The following ADSS1 variants were observed in gnomAD, a reference collection of about 807,000 sequenced individuals.
ADSS1 encodes adenylosuccinate synthase 1, also known as adenylosuccinate synthetase isozyme 1.
ADSS1 carries 57 observed loss-of-function variants against 59.1 expected under a neutral mutation model. The observed-to-expected ratio is 0.97, with a 90% CI of 0.78 to 1.20. ADSS1 has a LOEUF of 1.20. ADSS1 is among the 50% of genes most tolerant of loss of function. The probability of loss-of-function intolerance (pLI) is 0.00; values close to 1 mark genes in which losing one functional copy is unlikely to be tolerated. For missense variants in ADSS1, 603 were observed against 610.3 expected, an observed-to-expected ratio of 0.99 and a Z score of 0.13; for synonymous variants, 247 against 249.4, an observed-to-expected ratio of 0.99 and a Z score of 0.09.
intron 2 of ADSS1, among the ~76,000 whole-genome samples, chr14:104,736,871 G>A (rs1486398357): frequency 2.6e-5 from 3 of 113,660 alleles, no homozygotes; most frequent in Non-Finnish European, 5.3e-5. Flanking sequence ...TTATGCCACC[G>A]CACCTAGCTG....
At chr14:104,724,581 T>TCCGGGAGCACCTTTC (rs1890666517) in intron 1 of ADSS1, 119 bp downstream of exon 1, 2 of 1,217,580 alleles carry the variant, frequency 1.6e-6, no homozygotes, top group African/African-American at 3.2e-5. Flanking sequence ...ATGCCTTCCT[T>TCCGGGAGCACCTTTC]CCGGGAGCAC....
rs1367259137 is a variant in ADSS1 at position 104,724,464 on chromosome 14, T to G, written c.192+2T>G. 36 of 1,245,098 alleles carry G rather than the reference T, an allele frequency of 2.9e-5. No individual in the cohort carries two copies. The highest frequency in any genetic ancestry group is 3.5e-5 in the Non-Finnish European group (35 of 991,122). 77.1% of individuals were successfully genotyped at this position (1,245,098 alleles called of 1,614,324 possible). On this transcript the variant is annotated splice_donor_variant, in intron 1 of 12. Transcript: ENST00000330877. LOFTEE classifies it high-confidence loss of function. ...GCCGACATCATCAGCCGCTGCCAGGTGCGGGCTGGGGCGCCGGGTCCCTCC... is the reference window on the plus strand; with the variant it reads ...GCCGACATCATCAGCCGCTGCCAGGGGCGGGCTGGGGCGCCGGGTCCCTCC...
chr14:104,746,901 G>C, intron 12 of ADSS1, 50 bp from the exon 13 acceptor site: 3 of 1,598,486 alleles, frequency 1.9e-6, no homozygotes, highest in Middle Eastern at 1.7e-4. Context: ...AACTTTTTCT[G>C]AACTTTCTGC....
At chr14:104,739,850 G>A (rs967566368) in intron 5 of ADSS1, 34 bp downstream of exon 5, 39 of 1,611,138 alleles carry the variant, frequency 2.4e-5, no homozygotes, top group Non-Finnish European at 3.0e-5. Context: ...CCCTCGGGGA[G>A]TCTTCTGGGC....
rs1160502150 is a variant in ADSS1, at chr14:104,741,912, C to G, written c.858C>G (p.Ile286Met). ...TVGGVCTGLG[I>M]PPQNIGDVYG... is the part of the protein sequence containing the mutation. ...GCGGTGTGTGCACGGGCCTGGGCAT[C>G]CCCCCGCAGAACATAGGTGACGTGT... Residue 286 changes from isoleucine (I) to methionine (M), a missense_variant, in exon 9 of 13, where the codon ATC (isoleucine) becomes ATG (methionine). Physicochemically the swap from Ile to Met is conservative, Grantham distance 10. Coordinates refer to ENST00000330877, the MANE Select transcript of ADSS1 (RefSeq NM_152328.5). 2.5e-6 allele frequency: 4 copies of G among 1,613,384 alleles called. No individual in the cohort carries two copies. Among genetic ancestry groups the G allele is most frequent in the Non-Finnish European group, 2.5e-6 (3 of 1,180,016 alleles).
chr14:104,725,309 G>C (rs1347523978), intron 1 of ADSS1, among the ~76,000 whole-genome samples: 1 of 152,222 alleles, frequency 6.6e-6, no homozygotes, highest in African/African-American at 2.4e-5. Flanking sequence ...TGCTGCCCAT[G>C]GGCTGACTTA....
chr14:104,746,830 T>G, intron 12 of ADSS1, 121 bp from the exon 13 acceptor site: 1 of 1,022,842 alleles, frequency 9.8e-7, no homozygotes, highest in Non-Finnish European at 1.5e-6. Flanking sequence ...CTGCCTCCAT[T>G]TGGAGAGAAA....
intron 1 of ADSS1, among the ~76,000 whole-genome samples, chr14:104,726,082 T>TGCCCCCGCCAGGCC (rs1172716511): frequency 7.2e-5 from 11 of 152,100 alleles, no homozygotes; most frequent in African/African-American, 2.7e-4. Flanking sequence ...GCCACCAGGC[T>TGCCCCCGCCAGGCC]GCCCCCGCCA....
At chr14:104,737,163 C>T (rs75112537) in intron 2 of ADSS1, 23,900 of 151,830 alleles carry the variant, frequency 0.16, 2,072 homozygotes, top group South Asian at 0.2. Flanking sequence ...TCTGGACAAA[C>T]GTATGCTGTG....
At chr14:104,732,172 C>A (rs1890955674) in intron 1 of ADSS1, among the ~76,000 whole-genome samples, 1 of 152,212 alleles carries the variant, frequency 6.6e-6, no homozygotes, top group Non-Finnish European at 1.5e-5. Context: ...TGGTGGCTCC[C>A]ATGGCAAGGC....
In ADSS1 at chr14:104,740,965, A is replaced by G. The variant is rs1285144368; in HGVS notation, c.666+45A>G. 3 of 1,612,570 alleles carry G rather than the reference A, an allele frequency of 1.9e-6. No homozygotes were observed. Reference sequence around the variant, plus strand: ...GTGGGGGCTGCGGAAGTGCTCCTCCAGGGAGGCTGGATGTCCTACCTGGTG... The same window carrying G: ...GTGGGGGCTGCGGAAGTGCTCCTCCGGGGAGGCTGGATGTCCTACCTGGTG... On this transcript the variant is annotated intron_variant, in intron 7 of 12. Coordinates refer to ENST00000330877, the MANE Select transcript of ADSS1 (RefSeq NM_152328.5). The surrounding 1 kb of genome is among the most constrained non-coding windows in gnomAD (Gnocchi z 4.8).
At chr14:104,736,444 C>G (rs1891124960) in intron 2 of ADSS1, among the ~76,000 whole-genome samples, 1 of 152,266 alleles carries the variant, frequency 6.6e-6, no homozygotes. Context: ...CACACAGACA[C>G]CCTGAGCTTG....
chr14:104,732,491 G>A (rs1239482364), intron 1 of ADSS1, among the ~76,000 whole-genome samples: 2 of 152,210 alleles, frequency 1.3e-5, no homozygotes, highest in Non-Finnish European at 2.9e-5. Flanking sequence ...TCAGCGTCCT[G>A]AGCTGGCTCC....
At chr14:104,732,119 G>A (rs1421297247) in intron 1 of ADSS1, among the ~76,000 whole-genome samples, 1 of 152,194 alleles carries the variant, frequency 6.6e-6, no homozygotes, top group Non-Finnish European at 1.5e-5. Flanking sequence ...TGGCCCTGAT[G>A]TTTGGTCCCT....
At chr14:104,734,270 C>T (rs1375746244) in intron 1 of ADSS1, among the ~76,000 whole-genome samples, 3 of 152,226 alleles carry the variant, frequency 2.0e-5, no homozygotes, top group Admixed American at 6.5e-5. Flanking sequence ...CCCACTGGAC[C>T]TGTGCCCTGC....
At chr14:104,742,081 C>T (rs761667988) in intron 9 of ADSS1, 79 bp downstream of exon 9, 1 of 1,559,682 alleles carries the variant, frequency 6.4e-7, no homozygotes, top group Non-Finnish European at 8.7e-7. Flanking sequence ...TGAGCAGTGC[C>T]AGGGTGGAGG....
In ADSS1 at chr14:104,743,192, G is replaced by A. The variant is rs761489014; in HGVS notation, c.1073+1G>A. 7.3e-5 allele frequency: 118 copies of A among 1,609,860 alleles called. 1 individual carries two copies. The Admixed American group carries it at 8.5e-4, about 12-fold the overall frequency. On this transcript the variant is annotated splice_donor_variant, in intron 10 of 12. Coordinates refer to ENST00000330877, the MANE Select transcript of ADSS1 (RefSeq NM_152328.5). LOFTEE classifies it high-confidence loss of function. Reference sequence around the variant, plus strand: ...CTCACATGGTCAACGGATTCACTGCGTAAGCAACCCATGCTGCCATCCCCA... The same window carrying A: ...CTCACATGGTCAACGGATTCACTGCATAAGCAACCCATGCTGCCATCCCCA...
At chr14:104,742,871 A>G (rs1175901759) in intron 9 of ADSS1, among the ~76,000 whole-genome samples, 196 bp from the exon 10 acceptor site, 1 of 152,064 alleles carries the variant, frequency 6.6e-6, no homozygotes, top group Non-Finnish European at 1.5e-5. Context: ...GGCCTTGCCC[A>G]TTGTGAGCCT....
At chr14:104,725,244 A>T (rs1286761173) in intron 1 of ADSS1, among the ~76,000 whole-genome samples, 1 of 150,780 alleles carries the variant, frequency 6.6e-6, no homozygotes, top group African/African-American at 2.4e-5. Context: ...CACACTGGGC[A>T]CTCTCTCGGG....
Sources: allele counts gnomAD v4.1 joint callset (sites outside exome capture counted in the v4.1 genomes callset), GRCh38; gene constraint gnomAD v4.1.1; non-coding constraint Gnocchi (gnomAD v3.1); transcripts MANE v1.5; gene names NCBI Gene and HGNC (gene_info 2026-07-23, HGNC 2026-07-21).